The following ESR2 variants were observed in gnomAD, a reference collection of about 807,000 sequenced individuals.
ESR2 encodes the protein estrogen receptor 2.
A neutral mutation model predicts 49.6 loss-of-function variants in ESR2; 36 were observed. The ratio of observed to expected loss-of-function variants is 0.73; its 90% CI spans 0.56 to 0.96. The LOEUF is 0.96. Ranked by LOEUF, ESR2 falls within the 40% of genes least tolerant of loss-of-function variation. The pLI, the probability that ESR2 is intolerant of heterozygous loss-of-function variation, is 0.00. For synonymous variants in ESR2, 320 were observed against 266.1 expected (o/e 1.20, Z -1.97); for missense variants, 714 against 693.0 (o/e 1.03, Z -0.34).
chr14:64,322,056 A>AATT (rs979421757), intron 1 of ESR2, among the ~76,000 whole-genome samples: 1 of 151,324 alleles, frequency 6.6e-6, no homozygotes, highest in Non-Finnish European at 1.5e-5. Flanking sequence ...TAAAAATAAA[A>AATT]ATTATTATTA....
intron 1 of ESR2, among the ~76,000 whole-genome samples, chr14:64,321,299 T>C (rs1038226923): frequency 6.6e-6 from 1 of 151,866 alleles, no homozygotes; most frequent in African/African-American, 2.4e-5. Context: ...AGGGCATTAA[T>C]TGTCTAGAAG....
chr14:64,227,499 G>T (rs748807273), downstream of ESR2: 10 of 1,609,194 alleles, frequency 6.2e-6, no homozygotes, highest in East Asian at 2.2e-5. Flanking sequence ...TGTTACCCAA[G>T]ATTTTTCTTT....
rs139230897 is a variant in ESR2 at position 64,273,701 on chromosome 14, A to G, written c.536-4790T>C. 4.3e-3 allele frequency among the ~76,000 whole-genome samples: 649 copies of G among 152,118 alleles called. 6 individuals are homozygous for G. Among genetic ancestry groups the G allele is most frequent in the African/African-American group, 0.015 (616 of 41,506 alleles). On this transcript the variant is annotated intron_variant, in intron 3 of 8. Transcript: ENST00000341099. Reference sequence around the variant, plus strand: ...TAACGTGTTGTTGCATTTGGTTTGTATTTTATTGAGGATTTTTACATCAAT... The same window carrying G: ...TAACGTGTTGTTGCATTTGGTTTGTGTTTTATTGAGGATTTTTACATCAAT...
intron 3 of ESR2, among the ~76,000 whole-genome samples, chr14:64,272,009 A>G (rs1158745081): frequency 6.6e-6 from 1 of 152,210 alleles, no homozygotes; most frequent in Non-Finnish European, 1.5e-5. Flanking sequence ...GTACTAATTT[A>G]CAATCTGACC....
chr14:64,261,239 C>CTTTTTTTTTTT (rs58982771), intron 4 of ESR2, among the ~76,000 whole-genome samples: 4 of 127,082 alleles, frequency 3.1e-5, no homozygotes, highest in Non-Finnish European at 4.7e-5. Flanking sequence ...TTTCTTTTTT[C>CTTTTTTTTTTT]TTTTTTTTTT....
intron 4 of ESR2, among the ~76,000 whole-genome samples, chr14:64,262,081 T>C (rs1184853034): frequency 6.6e-6 from 1 of 152,004 alleles, no homozygotes; most frequent in Non-Finnish European, 1.5e-5. Context: ...ACTAGCAAAG[T>C]TGATTTATAT....
Position 64,229,724 on chromosome 14 carries a change from T to A in ESR2, c.*3413A>T, listed in dbSNP as rs368953712. On this transcript the variant is annotated 3_prime_UTR_variant, in exon 9 of 9. Coordinates refer to ENST00000341099, the MANE Select transcript of ESR2 (RefSeq NM_001437.3). Reference sequence around the variant, plus strand: ...ACCTTCAGCAAGTTTGCTTAGACCGTGTCTAGTTCCACAACCAGAAAATAA... The same window carrying A: ...ACCTTCAGCAAGTTTGCTTAGACCGAGTCTAGTTCCACAACCAGAAAATAA... Among the ~76,000 whole-genome samples, 216 of 152,368 alleles carry A rather than the reference T, an allele frequency of 1.4e-3. 7 individuals carry two copies. In the South Asian group the frequency reaches 0.044, roughly 31 times the overall value.
chr14:64,271,545 C>T (rs958953627), intron 3 of ESR2, among the ~76,000 whole-genome samples: 3 of 152,202 alleles, frequency 2.0e-5, no homozygotes, highest in African/African-American at 4.8e-5. Flanking sequence ...AAGCTGGTCT[C>T]GAACTCCTGA....
At chr14:64,254,889 T>C (rs940782981) in intron 6 of ESR2, among the ~76,000 whole-genome samples, 15 of 152,050 alleles carry the variant, frequency 9.9e-5, no homozygotes, top group African/African-American at 3.6e-4. Context: ...ATTCCTCTTC[T>C]ATACTCAATC....
chr14:64,252,223 G>C (rs181911577), intron 6 of ESR2, among the ~76,000 whole-genome samples: 1 of 151,842 alleles, frequency 6.6e-6, no homozygotes, highest in East Asian at 1.9e-4. Context: ...TGAAGCAAAA[G>C]ATCACTTGAG....
At chr14:64,239,683 T>C (rs2075679935) in intron 7 of ESR2, among the ~76,000 whole-genome samples, 1 of 152,232 alleles carries the variant, frequency 6.6e-6, no homozygotes, top group Non-Finnish European at 1.5e-5. Flanking sequence ...TTAGAGTTTA[T>C]AAAAACACTC....
intron 3 of ESR2, among the ~76,000 whole-genome samples, chr14:64,278,773 A>G (rs1326937728): frequency 6.6e-6 from 1 of 152,220 alleles, no homozygotes; most frequent in Non-Finnish European, 1.5e-5. Flanking sequence ...TCAGGGGTGC[A>G]CAACTTGAAG....
At chr14:64,312,192 A>G (rs1046511572) in intron 1 of ESR2, among the ~76,000 whole-genome samples, 2 of 152,176 alleles carry the variant, frequency 1.3e-5, no homozygotes, top group African/African-American at 4.8e-5. Flanking sequence ...AGCAACCACT[A>G]AAAAAGCTAT....
At chr14:64,320,642 C>T (rs969425576) in intron 1 of ESR2, among the ~76,000 whole-genome samples, 39 of 152,242 alleles carry the variant, frequency 2.6e-4, no homozygotes, top group African/African-American at 9.1e-4. Flanking sequence ...CCTGTAATCC[C>T]AACACTTTGG....
chr14:64,252,363 A>G (rs918847572), intron 6 of ESR2, among the ~76,000 whole-genome samples: 2 of 152,106 alleles, frequency 1.3e-5, no homozygotes, highest in African/African-American at 4.8e-5. Context: ...ATGTTAAAAT[A>G]TTGAAACAAT....
chr14:64,245,597 A>G (rs183806813), intron 7 of ESR2, among the ~76,000 whole-genome samples: 9 of 151,418 alleles, frequency 5.9e-5, no homozygotes, highest in Admixed American at 5.9e-4. Flanking sequence ...ACAAGTGGTA[A>G]TTACATCACA....
At chr14:64,254,575 C>T (rs1251044340) in intron 6 of ESR2, among the ~76,000 whole-genome samples, 9 of 143,458 alleles carry the variant, frequency 6.3e-5, no homozygotes, top group Admixed American at 2.1e-4. Context: ...GGTAAAACCC[C>T]GTCTCCACTA....
At chr14:64,248,632 T>G (rs72548760) in intron 7 of ESR2, among the ~76,000 whole-genome samples, 2 of 152,178 alleles carry the variant, frequency 1.3e-5, no homozygotes, top group Non-Finnish European at 2.9e-5. Flanking sequence ...CTCATTTGAA[T>G]GTTTATTAAC....
At chr14:64,234,800 C>T in intron 8 of ESR2, 170 bp downstream of exon 8, 1 of 1,374,678 alleles carries the variant, frequency 7.3e-7, no homozygotes, top group Non-Finnish European at 9.6e-7. Flanking sequence ...CCTTCCATGC[C>T]CACTCTGTGC....
Sources: allele counts gnomAD v4.1 joint callset (sites outside exome capture counted in the v4.1 genomes callset), GRCh38; gene constraint gnomAD v4.1.1; transcripts MANE v1.5; gene names NCBI Gene and HGNC (gene_info 2026-07-23, HGNC 2026-07-21).